Variants in RMDN2 observed in about 807,000 individuals in gnomAD.
RMDN2 encodes regulator of microtubule dynamics 2.
Under a neutral mutation model 52.8 loss-of-function variants are expected in RMDN2, and 61 were observed. The observed-to-expected ratio is 1.16, with a 90% confidence interval of 0.94 to 1.43. RMDN2 has a LOEUF of 1.43. Ranked by LOEUF, RMDN2 falls within the 40% of genes most tolerant of loss-of-function variation. The pLI is 0.00. For missense variants in RMDN2, 592 were observed against 475.3 expected, an observed-to-expected ratio of 1.25 and a Z score of -2.28; for synonymous variants, 180 against 153.1, an observed-to-expected ratio of 1.18 and a Z score of -1.30.
In RMDN2 at chr2:38,041,414, AT is replaced by A. The variant is rs945344247; in HGVS notation, c.1714-25560del. 3.8e-4 allele frequency among the ~76,000 whole-genome samples: 42 copies of A among 110,524 alleles called. No homozygotes were observed. In the South Asian group the frequency reaches 4.4e-3, roughly 12 times the overall value. The allele number at this position is 110,524 out of a possible 152,430, so 72.5% of individuals were successfully genotyped here. A position where few individuals can be genotyped will look rare whatever the true frequency, so the allele number is the denominator to read the frequency against. ...AGACAGTTTTATTTCTTCTTTCCTC[AT>A]TTTTTTTATTGGTTTTTTTTTTTTT... On this transcript the variant is annotated intron_variant, in intron 10 of 10. Transcript: ENST00000234195.
intron 1 of RMDN2, 122 bp downstream of exon 1, chr2:37,925,547 C>CT (rs1666197945): frequency 6.6e-6 from 1 of 152,338 alleles, no homozygotes; most frequent in African/African-American, 2.4e-5. Flanking sequence ...CGGTGTGTCC[C>CT]TGGCGAAGCT....
intron 10 of RMDN2, among the ~76,000 whole-genome samples, chr2:38,038,754 G>A (rs1217044771): frequency 2.6e-5 from 4 of 152,146 alleles, no homozygotes; most frequent in African/African-American, 4.8e-5. Context: ...CAGCCCACAG[G>A]GTTGGGACTG....
intron 8 of RMDN2, among the ~76,000 whole-genome samples, chr2:38,001,917 A>T (rs1676375674): frequency 6.6e-6 from 1 of 152,214 alleles, no homozygotes; most frequent in Non-Finnish European, 1.5e-5. Flanking sequence ...CCACTGTAGG[A>T]TGGTCAAGGC....
At chr2:37,990,338 G>A (rs1013460356) in intron 6 of RMDN2, among the ~76,000 whole-genome samples, 2 of 149,810 alleles carry the variant, frequency 1.3e-5, no homozygotes, top group African/African-American at 4.9e-5. Context: ...GGCCAACATG[G>A]TGAAACCCCA....
intron 10 of RMDN2, among the ~76,000 whole-genome samples, chr2:38,045,337 T>C (rs1205286588): frequency 9.9e-5 from 15 of 152,216 alleles, no homozygotes; most frequent in Non-Finnish European, 2.1e-4. Flanking sequence ...ACAATGCCTG[T>C]AACACTCTTA....
At chr2:37,942,480 C>G (rs1216161969) in intron 2 of RMDN2, among the ~76,000 whole-genome samples, 3 of 152,130 alleles carry the variant, frequency 2.0e-5, no homozygotes, top group Non-Finnish European at 4.4e-5. Context: ...TATAGATTAA[C>G]TATATTATTA....
rs181504907 is a variant in RMDN2 at position 38,008,835 on chromosome 2, G to A, written c.1179+4619G>A. On this transcript the variant is annotated intron_variant, in intron 10 of 10. Transcript: ENST00000354545. ...TACAATTTGGCATGTTTTTGCAGTG[G>A]CTGGTACCGGTTGTTCCTTTCCATG... Among the ~76,000 whole-genome samples, 127 of 152,272 alleles carry A rather than the reference G, an allele frequency of 8.3e-4. 4 individuals are homozygous for A. In the East Asian group the frequency reaches 0.019, roughly 22 times the overall value.
intron 10 of RMDN2, among the ~76,000 whole-genome samples, chr2:38,066,217 C>G (rs1052638812): frequency 6.6e-6 from 1 of 152,094 alleles, no homozygotes; most frequent in African/African-American, 2.4e-5. Context: ...TGTAAGTGCT[C>G]AACATATTTT....
chr2:38,043,115 A>G (rs150327244), intron 10 of RMDN2, among the ~76,000 whole-genome samples: 55 of 152,208 alleles, frequency 3.6e-4, no homozygotes, highest in African/African-American at 1.3e-3. Flanking sequence ...ATAAGAGTGG[A>G]TTTGTCTATT....
At chr2:37,941,505 C>T (rs964912190) in intron 2 of RMDN2, among the ~76,000 whole-genome samples, 1 of 152,338 alleles carries the variant, frequency 6.6e-6, no homozygotes, top group South Asian at 2.1e-4. Flanking sequence ...GCCGCGCCTT[C>T]CCCCAGTTGC....
intron 10 of RMDN2, among the ~76,000 whole-genome samples, chr2:38,029,066 C>T (rs1250183721): frequency 6.6e-6 from 1 of 152,126 alleles, no homozygotes; most frequent in Non-Finnish European, 1.5e-5. Context: ...AGCAGACTAA[C>T]AGCAATATTT....
At chr2:37,965,721 G>A (rs1670952862) in intron 2 of RMDN2, among the ~76,000 whole-genome samples, 1 of 152,040 alleles carries the variant, frequency 6.6e-6, no homozygotes, top group Non-Finnish European at 1.5e-5. Flanking sequence ...TTATATTTTT[G>A]TATGGTTCAA....
intron 10 of RMDN2, among the ~76,000 whole-genome samples, chr2:38,048,525 C>T (rs894505368): frequency 6.6e-6 from 1 of 152,216 alleles, no homozygotes; most frequent in Non-Finnish European, 1.5e-5. Context: ...AATTACCTGG[C>T]ATGTGAGCTG....
At chr2:37,996,603 A>G (rs895632567) in intron 7 of RMDN2, among the ~76,000 whole-genome samples, 2,873 of 38,378 alleles carry the variant, frequency 0.075, 25 homozygotes, top group Non-Finnish European at 0.088. Context: ...AAAAAAAAGA[A>G]AAAAAAAAAA....
intron 2 of RMDN2, among the ~76,000 whole-genome samples, chr2:37,966,748 G>A (rs985158318): frequency 3.3e-5 from 5 of 151,952 alleles, no homozygotes; most frequent in Admixed American, 6.5e-5. Flanking sequence ...TCATATGAGA[G>A]GGTCTTCAAA....
intron 10 of RMDN2, among the ~76,000 whole-genome samples, chr2:38,056,459 T>C (rs1369255796): frequency 6.6e-6 from 1 of 152,268 alleles, no homozygotes; most frequent in East Asian, 1.9e-4. Context: ...TCAGGGCATG[T>C]GTTTATTTTT....
upstream of RMDN2, among the ~76,000 whole-genome samples, chr2:37,924,679 G>A (rs193226197): frequency 6.6e-6 from 1 of 152,296 alleles, no homozygotes; most frequent in Non-Finnish European, 1.5e-5. Context: ...GTTTTTAAGA[G>A]CGTATTTAGC....
chr2:38,027,260 C>G (rs966155704), intron 10 of RMDN2: 3 of 152,154 alleles, frequency 2.0e-5, no homozygotes, highest in African/African-American at 7.2e-5. Context: ...AAGCAGTAAG[C>G]TGGGACAATA....
intron 2 of RMDN2, among the ~76,000 whole-genome samples, chr2:37,955,594 G>A (rs1162727127): frequency 6.6e-6 from 1 of 151,962 alleles, no homozygotes; most frequent in Non-Finnish European, 1.5e-5. Context: ...GAATCATGGG[G>A]GCCGATCTTT....
Sources: allele counts gnomAD v4.1 joint callset (sites outside exome capture counted in the v4.1 genomes callset), GRCh38; gene constraint gnomAD v4.1.1; transcripts MANE v1.5; gene names NCBI Gene and HGNC (gene_info 2026-07-23, HGNC 2026-07-21).